Variants in CAMTA1 observed in about 807,000 individuals in gnomAD.
CAMTA1 encodes calmodulin binding transcription activator 1.
A neutral mutation model predicts 170.9 loss-of-function variants in CAMTA1; 27 were observed. The observed-to-expected ratio is 0.16, with a 90% CI of 0.12 to 0.22. The LOEUF is 0.22. CAMTA1 is among the 10% of genes least tolerant of loss of function. The pLI is 1.00. For missense variants in CAMTA1, 1,619 were observed against 2,217.2 expected (o/e 0.73, Z 5.42); for synonymous variants, 833 against 891.5 (o/e 0.93, Z 1.17).
chr1:7,643,241 T>C (rs2095779339), intron 7 of CAMTA1, among the ~76,000 whole-genome samples: 1 of 152,184 alleles, frequency 6.6e-6, no homozygotes, highest in Non-Finnish European at 1.5e-5. Context: ...AAGGAATTCC[T>C]CTTGTCAGAT....
At chr1:6,831,061 G>T (rs1009000562) in intron 3 of CAMTA1, among the ~76,000 whole-genome samples, 1 of 151,944 alleles carries the variant, frequency 6.6e-6, no homozygotes, top group South Asian at 2.1e-4. Context: ...CTCATGATCC[G>T]CCCGCCTCAG....
intron 1 of CAMTA1, among the ~76,000 whole-genome samples, chr1:6,798,498 A>G (rs1643099156): frequency 6.6e-6 from 1 of 151,772 alleles, no homozygotes; most frequent in Non-Finnish European, 1.5e-5. Flanking sequence ...CAGTGATGCA[A>G]GCTCCACTTC....
intron 3 of CAMTA1, among the ~76,000 whole-genome samples, chr1:6,969,724 G>A (rs1692201874): frequency 6.6e-6 from 1 of 152,172 alleles, no homozygotes; most frequent in South Asian, 2.1e-4. Flanking sequence ...GCCAGTGTAG[G>A]CCTACGATTT....
intron 5 of CAMTA1, among the ~76,000 whole-genome samples, chr1:7,269,963 A>G (rs764836943): frequency 1.1e-4 from 17 of 152,170 alleles, no homozygotes; most frequent in Non-Finnish European, 1.8e-4. Context: ...GCAGAGAAAA[A>G]CACATTACAA....
chr1:7,251,094 C>T lies in CAMTA1; in HGVS notation c.438+1468C>T, dbSNP rs990715511. ...GCTCGCACCGGGAGTAATAGGGCTGCGGGAATTCAAACTGGAAGTCACGGC... is the reference window on the plus strand; with the variant it reads ...GCTCGCACCGGGAGTAATAGGGCTGTGGGAATTCAAACTGGAAGTCACGGC... On this transcript the variant is annotated intron_variant, in intron 5 of 22. Transcript: ENST00000303635. The surrounding 1 kb of genome is among the most constrained non-coding windows in gnomAD (Gnocchi z 5.1). 5.9e-5 allele frequency among the ~76,000 whole-genome samples: 9 copies of T among 152,232 alleles called. 1 individual carries two copies. In the South Asian group the frequency reaches 1.7e-3, roughly 28 times the overall value.
Position 7,142,952 on chromosome 1 carries a change from A to G in CAMTA1, c.302+51581A>G, listed in dbSNP as rs534496410. 2.0e-5 allele frequency among the ~76,000 whole-genome samples: 3 copies of G among 152,304 alleles called. No individual in the cohort carries two copies. The South Asian group carries it at 6.2e-4, about 32-fold the overall frequency. Reference sequence around the variant, plus strand: ...TTTTGGGCCACACACATTGATTCTAATTTGGCATTTTCATGCCTGAGCTGT... The same window carrying G: ...TTTTGGGCCACACACATTGATTCTAGTTTGGCATTTTCATGCCTGAGCTGT... On this transcript the variant is annotated intron_variant, in intron 4 of 22. Transcript: ENST00000303635.
chr1:7,601,455 G>A (rs1173564560), intron 6 of CAMTA1, among the ~76,000 whole-genome samples: 1 of 151,852 alleles, frequency 6.6e-6, no homozygotes, highest in African/African-American at 2.4e-5. Context: ...TCACTTTCCA[G>A]ACTGGGCAGC....
At chr1:6,908,217 T>A (rs1340762741) in intron 3 of CAMTA1, among the ~76,000 whole-genome samples, 1 of 152,202 alleles carries the variant, frequency 6.6e-6, no homozygotes, top group East Asian at 1.9e-4. Flanking sequence ...TCATCCCACG[T>A]CCTGTCCCCT....
intron 11 of CAMTA1, among the ~76,000 whole-genome samples, chr1:7,705,268 G>T (rs983255170): frequency 1.3e-5 from 2 of 151,272 alleles, no homozygotes; most frequent in Non-Finnish European, 3.0e-5. Flanking sequence ...GCCGAGGAGT[G>T]GGTGGGAGAC....
At chr1:6,907,221 G>T (rs1255100599) in intron 3 of CAMTA1, among the ~76,000 whole-genome samples, 1 of 152,198 alleles carries the variant, frequency 6.6e-6, no homozygotes, top group African/African-American at 2.4e-5. Flanking sequence ...AGGCCGAGCA[G>T]CATCATCAAC....
intron 5 of CAMTA1, among the ~76,000 whole-genome samples, chr1:7,427,769 G>T (rs114241174): frequency 6.6e-6 from 1 of 152,194 alleles, no homozygotes; most frequent in African/African-American, 2.4e-5. Flanking sequence ...GGGACGAGGC[G>T]CAATCCCAGC....
chr1:7,641,406 C>T lies in CAMTA1; in HGVS notation c.664+853C>T, dbSNP rs976144525. Among the ~76,000 whole-genome samples the T allele has an allele frequency of 5.3e-5, 8 of 152,136 alleles. No homozygotes were observed. The highest frequency in any genetic ancestry group is 7.3e-5 in the Non-Finnish European group (5 of 68,028). ...TGGCTCACTCAGAAGCAGAACTGTC[C>T]CTGGAGCTGGGCTGGAGGGAGGAAG... On this transcript the variant is annotated intron_variant, in intron 7 of 22. Transcript: ENST00000303635. This position sits in a 1 kb window ranked among gnomAD's most constrained non-coding sequence, Gnocchi z 4.5.
At chr1:7,285,352 A>G (rs1336903381) in intron 5 of CAMTA1, among the ~76,000 whole-genome samples, 2 of 152,188 alleles carry the variant, frequency 1.3e-5, no homozygotes, top group Non-Finnish European at 2.9e-5. Context: ...ACTGCATTTC[A>G]TGGTGGGTGG....
At chr1:6,876,366 T>A (rs1669877402) in intron 3 of CAMTA1, among the ~76,000 whole-genome samples, 1 of 135,114 alleles carries the variant, frequency 7.4e-6, no homozygotes, top group Non-Finnish European at 1.6e-5. Context: ...AATTAATTAA[T>A]TTTTTTTTTT....
At chr1:6,912,989 C>T (rs1228385911) in intron 3 of CAMTA1, among the ~76,000 whole-genome samples, 1 of 152,230 alleles carries the variant, frequency 6.6e-6, no homozygotes, top group Non-Finnish European at 1.5e-5. Flanking sequence ...GCCTTGCCAG[C>T]ACCTCCCTGT....
At chr1:7,605,362 C>T (rs1043186161) in intron 6 of CAMTA1, among the ~76,000 whole-genome samples, 61 of 152,358 alleles carry the variant, frequency 4.0e-4, no homozygotes, top group South Asian at 8.3e-4. Context: ...GCTTTATTTA[C>T]CTACTCAAGC....
At chr1:7,704,712 G>C (rs887090351) in intron 11 of CAMTA1, among the ~76,000 whole-genome samples, 1 of 148,076 alleles carries the variant, frequency 6.8e-6, no homozygotes, top group Non-Finnish European at 1.5e-5. Context: ...CGGCGCACTC[G>C]GGCAGTGGCG....
chr1:7,567,197 AGGGG>A, intron 6 of CAMTA1, among the ~76,000 whole-genome samples: 1 of 152,206 alleles, frequency 6.6e-6, no homozygotes, highest in Admixed American at 6.5e-5. Flanking sequence ...GCAGAGTAGA[AGGGG>A]CCCATGGTGG....
chr1:7,213,757 C>G (rs953518541), intron 4 of CAMTA1, among the ~76,000 whole-genome samples: 59 of 152,184 alleles, frequency 3.9e-4, no homozygotes, highest in Non-Finnish European at 8.1e-4. Context: ...ATCCCTCCCC[C>G]CTCCGCCCAC....
Sources: allele counts gnomAD v4.1 joint callset (sites outside exome capture counted in the v4.1 genomes callset), GRCh38; gene constraint gnomAD v4.1.1; non-coding constraint Gnocchi (gnomAD v3.1); transcripts MANE v1.5; gene names NCBI Gene and HGNC (gene_info 2026-07-23, HGNC 2026-07-21).